The following VAV1 variants were observed in gnomAD, a reference collection of about 807,000 sequenced individuals.
VAV1 encodes proto-oncogene vav.
In VAV1, 33 loss-of-function variants were observed where a neutral mutation model predicts 128.1. The ratio of observed to expected loss-of-function variants is 0.26; its 90% CI spans 0.20 to 0.34. VAV1 has a LOEUF of 0.34. Among genes scored for constraint, VAV1 ranks in the 10% least tolerant of loss-of-function variants. The pLI, the probability that VAV1 is intolerant of heterozygous loss-of-function variation, is 1.00. For synonymous variants in VAV1, 394 were observed against 409.8 expected, an observed-to-expected ratio of 0.96 and a Z score of 0.47; for missense variants, 715 against 1,093.7, an observed-to-expected ratio of 0.65 and a Z score of 4.88.
Position 6,833,629 on chromosome 19 carries a change from C to T in VAV1, c.1708+4C>T, listed in dbSNP as rs375154187. On this transcript the variant is annotated splice_donor_region_variant and intron_variant, in intron 17 of 26. Coordinates refer to ENST00000602142, the MANE Select transcript of VAV1 (RefSeq NM_005428.4). ...CCATGTGGCCGACATGGGCAAGGTA[C>T]GAGTGGGAGGGAGGCTGGGAGGTGA... 25 of 1,613,736 alleles carry T rather than the reference C, an allele frequency of 1.5e-5. No individual in the cohort carries two copies. Among genetic ancestry groups the T allele is most frequent in the East Asian group, 6.7e-5 (3 of 44,888 alleles).
At chr19:6,847,728 AC>A (rs1972558513) in intron 22 of VAV1, among the ~76,000 whole-genome samples, 2 of 151,704 alleles carry the variant, frequency 1.3e-5, no homozygotes, top group Non-Finnish European at 1.5e-5. Flanking sequence ...AATTCCAGAC[AC>A]CCAGCCAGAC....
chr19:6,795,867 T>A (rs773105393), intron 1 of VAV1, among the ~76,000 whole-genome samples: 1 of 152,170 alleles, frequency 6.6e-6, no homozygotes, highest in Non-Finnish European at 1.5e-5. Context: ...TTATTTTTAG[T>A]AGAGACAGGG....
chr19:6,788,991 A>G (rs1437257335), intron 1 of VAV1, among the ~76,000 whole-genome samples: 1 of 152,222 alleles, frequency 6.6e-6, no homozygotes, highest in Non-Finnish European at 1.5e-5. Flanking sequence ...TGCCCTGTGT[A>G]TTCTAAAATG....
chr19:6,850,740 G>A lies in VAV1; in HGVS notation c.2200G>A (p.Ala734Thr), dbSNP rs376389573. Residue 734 changes from alanine to threonine, a missense_variant, in exon 24 of 27, where the codon GCT becomes ACT. By Grantham distance (58) the Ala-to-Thr change is moderately conservative. This residue lies in a region of VAV1 where 407 missense variants were observed against 580.6 expected (regional missense o/e 0.70). Transcript: ENST00000602142. The stretch of plus-strand genomic sequence containing the variant: ...ACTGTACCGGATCACAGAGAAAAAG[G>A]CTTTCCGGGGGCTTACGGTAAGGGT... ...EGLYRITEKK[A>T]FRGLTELVEF... 8 of 1,613,840 alleles carry A rather than the reference G, an allele frequency of 5.0e-6. No homozygotes were observed. Among genetic ancestry groups the A allele is most frequent in the Admixed American group, 1.7e-5 (1 of 59,942 alleles).
At chr19:6,776,117 C>CA (rs1555697559) in intron 1 of VAV1, among the ~76,000 whole-genome samples, 21 of 149,494 alleles carry the variant, frequency 1.4e-4, no homozygotes, top group African/African-American at 5.3e-4. Flanking sequence ...TCCATCCATC[C>CA]ATCCATCTGC....
chr19:6,851,670 C>T (rs1318425682), intron 24 of VAV1, among the ~76,000 whole-genome samples: 1 of 152,168 alleles, frequency 6.6e-6, no homozygotes, highest in East Asian at 1.9e-4. Context: ...TTTGAGGGTT[C>T]TTGCTTCTGT....
At chr19:6,853,694 G>A (rs959550769) in intron 25 of VAV1, among the ~76,000 whole-genome samples, 2 of 151,510 alleles carry the variant, frequency 1.3e-5, no homozygotes, top group African/African-American at 2.4e-5. Flanking sequence ...TTGTGCCACC[G>A]CACTCCAGTC....
intron 1 of VAV1, among the ~76,000 whole-genome samples, chr19:6,809,922 G>T (rs939341486): frequency 2.6e-5 from 4 of 152,002 alleles, no homozygotes; most frequent in African/African-American, 9.7e-5. Flanking sequence ...TGTAATACCA[G>T]CACTTTGGGA....
chr19:6,848,623 G>A (rs1338489704), intron 23 of VAV1, among the ~76,000 whole-genome samples: 2 of 151,752 alleles, frequency 1.3e-5, no homozygotes, highest in African/African-American at 4.8e-5. Flanking sequence ...GCCTGGTCTC[G>A]AACTCCTGAC....
At chr19:6,789,260 C>CTTTTTTTTTTTTTTTTTTTTTTT (rs771682522) in intron 1 of VAV1, among the ~76,000 whole-genome samples, 1 of 144,932 alleles carries the variant, frequency 6.9e-6, no homozygotes, top group African/African-American at 2.5e-5. Context: ...CTCCTTTCTT[C>CTTTTTTTTTTTTTTTTTTTTTTT]TTTTTTTTTT....
intron 1 of VAV1, among the ~76,000 whole-genome samples, chr19:6,774,927 T>A (rs1202658792): frequency 2.7e-5 from 4 of 150,844 alleles, no homozygotes; most frequent in Non-Finnish European, 4.4e-5. Context: ...CCTAATTTTT[T>A]TTTTTTTTTT....
At chr19:6,810,969 C>T (rs769020832) in intron 1 of VAV1, among the ~76,000 whole-genome samples, 3 of 152,198 alleles carry the variant, frequency 2.0e-5, no homozygotes, top group Non-Finnish European at 4.4e-5. Context: ...ACTGTTGTTC[C>T]AAAACCTTTG....
At chr19:6,785,772 G>A (rs1970878384) in intron 1 of VAV1, among the ~76,000 whole-genome samples, 1 of 150,712 alleles carries the variant, frequency 6.6e-6, no homozygotes, top group Admixed American at 6.7e-5. Context: ...TGATTCTCCT[G>A]CCTCAGCCTT....
At position 6,832,182 on chromosome 19, in the gene VAV1, A is replaced by G. The variant is rs1376401683; in HGVS notation, c.1490A>G (p.Glu497Gly). Residue 497 changes from glutamate (E) to glycine (G), a missense_variant, in exon 15 of 27, where the codon GAG (glutamate) becomes GGG (glycine). By Grantham distance (98) the Glu-to-Gly change is moderately conservative (BLOSUM62 -2). This residue lies in a region of VAV1 where 407 missense variants were observed against 580.6 expected (regional missense o/e 0.70). Coordinates refer to ENST00000602142, the MANE Select transcript of VAV1 (RefSeq NM_005428.4). The part of the protein sequence containing the change: ...KTRELKKKWM[E>G]QFEMAISNIY... ...AGAGAATTGAAGAAGAAGTGGATGG[A>G]GCAGTTTGAGATGGCCATGTGAGTC... 6.2e-7 allele frequency: 1 copy of G among 1,614,082 alleles called. No individual in the cohort carries two copies. Among genetic ancestry groups the G allele is most frequent in the South Asian group, 1.1e-5 (1 of 91,078 alleles).
intron 21 of VAV1, among the ~76,000 whole-genome samples, chr19:6,841,566 C>T (rs1239348185): frequency 2.0e-5 from 3 of 151,410 alleles, no homozygotes; most frequent in African/African-American, 7.3e-5. Flanking sequence ...CCTCCGCTTC[C>T]CAGGTTCAAG....
At chr19:6,802,828 C>T (rs1400593536) in intron 1 of VAV1, among the ~76,000 whole-genome samples, 1 of 152,166 alleles carries the variant, frequency 6.6e-6, no homozygotes, top group Non-Finnish European at 1.5e-5. Context: ...CCTCTCTGAG[C>T]CTCAGTTGTT....
chr19:6,800,589 C>T (rs1367824107), intron 1 of VAV1, among the ~76,000 whole-genome samples: 2 of 151,862 alleles, frequency 1.3e-5, no homozygotes, highest in Non-Finnish European at 2.9e-5. Context: ...GGATTACAGG[C>T]ATGAGCCACC....
chr19:6,814,981 T>C (rs1033760942), intron 1 of VAV1, among the ~76,000 whole-genome samples: 2 of 151,856 alleles, frequency 1.3e-5, no homozygotes, highest in Non-Finnish European at 2.9e-5. Context: ...CAGGAATGAA[T>C]GTTGAGTTGC....
chr19:6,826,721 G>C lies in VAV1; in HGVS notation c.927+10G>C. The C allele has an allele frequency of 6.5e-7, 1 of 1,540,964 alleles. No homozygotes were observed. Among genetic ancestry groups the C allele is most frequent in the South Asian group, 1.2e-5 (1 of 84,152 alleles). ...GCAGATGAAGCTGGAGGTGGGCGCC[G>C]GGCCACTTCTCGGGGGCCTCTCCCG... On this transcript the variant is annotated intron_variant, in intron 9 of 26. Transcript: ENST00000602142. The surrounding 1 kb of genome is among the most constrained non-coding windows in gnomAD (Gnocchi z 4.1).
Sources: allele counts gnomAD v4.1 joint callset (sites outside exome capture counted in the v4.1 genomes callset), GRCh38; gene constraint gnomAD v4.1.1; regional missense constraint gnomAD v4.1.1; non-coding constraint Gnocchi (gnomAD v3.1); transcripts MANE v1.5; gene names NCBI Gene and HGNC (gene_info 2026-07-23, HGNC 2026-07-21).